The following GLP1R variants were observed in gnomAD, a reference collection of about 807,000 sequenced individuals.
GLP1R encodes glucagon-like peptide 1 receptor.
In GLP1R, 32 loss-of-function variants were observed where a neutral mutation model predicts 68.4. That is an observed-to-expected ratio of 0.47 (90% CI 0.35 to 0.63). The LOEUF (loss-of-function observed/expected upper bound fraction) is 0.63, where lower values mean the gene tolerates loss of function less well. Among genes scored for constraint, GLP1R ranks in the 20% least tolerant of loss-of-function variants. The pLI is 0.00. For missense variants in GLP1R, 502 were observed against 594.9 expected (o/e 0.84, Z 1.62); for synonymous variants, 263 against 244.4 (o/e 1.08, Z -0.71).
rs1768218116 is a variant in GLP1R, at chr6:39,056,490, A to C, written c.172A>C (p.Thr58Pro). ...CCTGACTGAGGATCCACCTCCTGCC[A>C]CAGGTGAGTCCATGTAGGCTCCCCA... Reference protein sequence around the residue: ...RSLTEDPPPATDLFCNRTFDE... With the variant: ...RSLTEDPPPAPDLFCNRTFDE... The change falls in exon 2 of 13, where the codon ACA becomes CCA. Residue 58 changes from threonine (T) to proline (P), a missense_variant. Physicochemically the swap from Thr to Pro is conservative, Grantham distance 38. Transcript: ENST00000373256. 1 of 1,554,622 alleles carries C rather than the reference A, an allele frequency of 6.4e-7. No homozygotes were observed. Among genetic ancestry groups the C allele is most frequent in the Admixed American group, 1.7e-5 (1 of 59,904 alleles).
At chr6:39,081,862 G>A (rs1014822082) in intron 12 of GLP1R, among the ~76,000 whole-genome samples, 2 of 152,190 alleles carry the variant, frequency 1.3e-5, no homozygotes, top group African/African-American at 4.8e-5. Flanking sequence ...ACAAAGTGGG[G>A]ATAATCCTGT....
rs1034592554 is a variant in GLP1R, at chr6:39,087,157, G to C, written c.*1084G>C. The C allele has an allele frequency of 3.3e-5, 5 of 152,232 alleles. No individual in the cohort carries two copies. The highest frequency in any genetic ancestry group is 4.8e-5 in the African/African-American group (2 of 41,464). 9.4% of individuals were successfully genotyped at this position (152,232 alleles called of 1,614,324 possible). On this transcript the variant is annotated 3_prime_UTR_variant, in exon 13 of 13. Coordinates refer to ENST00000373256, the MANE Select transcript of GLP1R (RefSeq NM_002062.5). ...TTGAAATTCCCCCACTTGGGAGCTT[G>C]TATATACTTCACTCACTTTTCTTTA...
chr6:39,069,163 T>C (rs569972354), intron 5 of GLP1R, among the ~76,000 whole-genome samples: 55 of 152,322 alleles, frequency 3.6e-4, no homozygotes, highest in African/African-American at 1.3e-3. Context: ...CATGAAACAC[T>C]TGGACATAGA....
chr6:39,080,593 G>A, intron 11 of GLP1R, 105 bp from the exon 12 acceptor site: 1 of 675,044 alleles, frequency 1.5e-6, no homozygotes, highest in Middle Eastern at 3.9e-4. Flanking sequence ...CTGGATTTGG[G>A]GAGGGGGTTG....
At chr6:39,078,594 G>T (rs1768899131) in intron 8 of GLP1R, among the ~76,000 whole-genome samples, 1 of 152,174 alleles carries the variant, frequency 6.6e-6, no homozygotes, top group Non-Finnish European at 1.5e-5. Flanking sequence ...ACGGAACTGG[G>T]TCTGTGGGGT....
At chr6:39,083,340 A>G (rs558130771) in intron 12 of GLP1R, among the ~76,000 whole-genome samples, 1 of 152,270 alleles carries the variant, frequency 6.6e-6, no homozygotes, top group African/African-American at 2.4e-5. Flanking sequence ...CAAAAGACAC[A>G]TGTGGCTCTG....
At chr6:39,072,466 C>G (rs1768695941) in intron 5 of GLP1R, among the ~76,000 whole-genome samples, 1 of 152,220 alleles carries the variant, frequency 6.6e-6, no homozygotes, top group African/African-American at 2.4e-5. Context: ...GAATTCCTAC[C>G]AAGTGCCTAG....
At chr6:39,057,176 A>G (rs1006517899) in intron 2 of GLP1R, among the ~76,000 whole-genome samples, 8 of 152,270 alleles carry the variant, frequency 5.3e-5, no homozygotes, top group African/African-American at 1.9e-4. Context: ...ACTATGTTCC[A>G]TTATCTATGT....
At chr6:39,071,682 G>T (rs2300616) in intron 5 of GLP1R, among the ~76,000 whole-genome samples, 5 of 151,884 alleles carry the variant, frequency 3.3e-5, no homozygotes, top group African/African-American at 9.7e-5. Context: ...TTCCCTGTCC[G>T]GATACCATGG....
chr6:39,067,006 A>G (rs1768536824), intron 5 of GLP1R, among the ~76,000 whole-genome samples: 1 of 152,194 alleles, frequency 6.6e-6, no homozygotes, highest in Admixed American at 6.5e-5. Flanking sequence ...CTCTTTTATT[A>G]TGAATTATTC....
intron 3 of GLP1R, 72 bp downstream of exon 3, chr6:39,057,651 G>A: frequency 1.2e-6 from 1 of 865,606 alleles, no homozygotes; most frequent in Non-Finnish European, 1.8e-6. Flanking sequence ...CCTGGTATCT[G>A]CCCTGGGCCA....
In GLP1R at chr6:39,079,305, A is replaced by T; in HGVS notation, c.1043+105A>T. The T allele has an allele frequency of 1.1e-6, 1 of 931,518 alleles. No individual in the cohort carries two copies. The highest frequency in any genetic ancestry group is 1.7e-6 in the Non-Finnish European group (1 of 575,334). The allele number at this position is 931,518 out of a possible 1,614,324, so 57.7% of individuals were successfully genotyped here. On this transcript the variant is annotated intron_variant, in intron 10 of 12. Transcript: ENST00000373256. The surrounding 1 kb of genome is among the most constrained non-coding windows in gnomAD (Gnocchi z 4.5). Reference sequence around the variant, plus strand: ...TGGGATGCTTAGCTTAGAGCCCTACACTACCCTCTCCTTCCACCCAGGCCT... The same window carrying T: ...TGGGATGCTTAGCTTAGAGCCCTACTCTACCCTCTCCTTCCACCCAGGCCT...
rs1769186756 is a variant in GLP1R, at chr6:39,087,773, A to G, written c.*1700A>G. 6.6e-6 allele frequency: 1 copy of G among 152,192 alleles called. No homozygotes were observed. Among genetic ancestry groups the G allele is most frequent in the South Asian group, 2.1e-4 (1 of 4,812 alleles). The allele number at this position is 152,192 out of a possible 1,614,324, so 9.4% of individuals were successfully genotyped here. A position where few individuals can be genotyped will look rare whatever the true frequency, so the allele number is the denominator to read the frequency against. ...TCAGTGAAGTGTTGTCTATGTTAAT[A>G]GGCAAGTTGAACCTCGGGCTAAAGA... is the stretch of plus-strand genomic sequence containing the variant. On this transcript the variant is annotated 3_prime_UTR_variant, in exon 13 of 13. Coordinates refer to ENST00000373256, the MANE Select transcript of GLP1R (RefSeq NM_002062.5).
Position 39,073,691 on chromosome 6 carries a change from G to T in GLP1R, c.745G>T (p.Val249Leu). 1 of 1,613,378 alleles carries T rather than the reference G, an allele frequency of 6.2e-7. No individual in the cohort carries two copies. Among genetic ancestry groups the T allele is most frequent in the Non-Finnish European group, 8.5e-7 (1 of 1,179,342 alleles). Residue 249 changes from valine (V) to leucine (L), a missense_variant, in exon 7 of 13, where the codon GTG (valine) becomes TTG (leucine). Transcript: ENST00000373256. Reference sequence around the variant, plus strand: ...TTACTACTGGCTCTTGGTGGAGGGCGTGTACCTGTACACACTGCTGGCCTT... The same window carrying T: ...TTACTACTGGCTCTTGGTGGAGGGCTTGTACCTGTACACACTGCTGGCCTT... ...ANYYWLLVEG[V>L]YLYTLLAFSV...
intron 7 of GLP1R, among the ~76,000 whole-genome samples, chr6:39,078,083 G>T (rs991098422): frequency 4.6e-5 from 7 of 152,236 alleles, no homozygotes; most frequent in African/African-American, 2.4e-5. Context: ...CACACAGGAG[G>T]TGGGGGACTG....
Position 39,090,977 on chromosome 6 carries a change from T to G in GLP1R, c.*4904T>G, listed in dbSNP as rs1363015893. Among the ~76,000 whole-genome samples the G allele has an allele frequency of 6.6e-6, 1 of 152,152 alleles. No individual in the cohort carries two copies. The highest frequency in any genetic ancestry group is 2.4e-5 in the African/African-American group (1 of 41,436). ...CTCCACTAAAATAATCATCCCATCC[T>G]CAAAGCAGACCAACTCCAGCATCCC... On this transcript the variant is annotated 3_prime_UTR_variant, in exon 13 of 13. Coordinates refer to ENST00000373256, the MANE Select transcript of GLP1R (RefSeq NM_002062.5).
chr6:39,064,193 T>TG (rs5875653), intron 3 of GLP1R, among the ~76,000 whole-genome samples: 43,507 of 151,586 alleles, frequency 0.29, 7,740 homozygotes, highest in Non-Finnish European at 0.4. Context: ...TTAGTAGAGA[T>TG]GGGGTTTCAC....
At chr6:39,081,150 C>T (rs1288314447) in intron 12 of GLP1R, among the ~76,000 whole-genome samples, 1 of 151,986 alleles carries the variant, frequency 6.6e-6, no homozygotes, top group African/African-American at 2.4e-5. Context: ...AAAAAAAAAC[C>T]CTGCTAAAAT....
At chr6:39,067,546 C>G (rs1407898081) in intron 5 of GLP1R, among the ~76,000 whole-genome samples, 4 of 152,176 alleles carry the variant, frequency 2.6e-5, no homozygotes, top group African/African-American at 9.7e-5. Context: ...TTCGTGAGGG[C>G]AGAGCCTTCA....
Sources: gnomAD v4.1 joint callset for allele counts (sites outside exome capture counted in the v4.1 genomes callset) on GRCh38, gnomAD v4.1.1 for gene constraint, Gnocchi (gnomAD v3.1) non-coding constraint, MANE v1.5 for transcripts, NCBI Gene and HGNC (gene_info 2026-07-23, HGNC 2026-07-21) for gene names.